The following PITPNM1 variants were observed in gnomAD, a reference collection of about 807,000 sequenced individuals.
PITPNM1 encodes the protein phosphatidylinositol transfer protein membrane associated 1.
In PITPNM1, 74 loss-of-function variants were observed where a neutral mutation model predicts 133.3. That is an observed-to-expected ratio of 0.56 (90% CI 0.46 to 0.67). The LOEUF is 0.67. PITPNM1 is among the 30% of genes least tolerant of loss of function. The pLI, the probability that PITPNM1 is intolerant of heterozygous loss-of-function variation, is 0.00. For missense variants in PITPNM1, 1,398 were observed against 1,739.5 expected (o/e 0.80, Z 3.49); for synonymous variants, 738 against 741.4 (o/e 1.00, Z 0.08).
rs371909839 is a variant in PITPNM1, at chr11:67,504,227, G to A, written c.-41-6C>T. ...GCGCGCGGCCTCCGCTCCTCCTGGCGCAGGGCACGGCGCGACAGTCAGTGC... is the reference window on the plus strand; with the variant it reads ...GCGCGCGGCCTCCGCTCCTCCTGGCACAGGGCACGGCGCGACAGTCAGTGC... On this transcript the variant is annotated splice_polypyrimidine_tract_variant and splice_region_variant and intron_variant, in intron 1 of 23. Transcript: ENST00000356404. This position sits in a 1 kb window ranked among gnomAD's most constrained non-coding sequence, Gnocchi z 5.4. The A allele has an allele frequency of 4.9e-6, 7 of 1,438,078 alleles. No individual in the cohort carries two copies. The highest frequency in any genetic ancestry group is 1.4e-5 in the African/African-American group (1 of 70,714). The allele number at this position is 1,438,078 out of a possible 1,614,324, so 89.1% of individuals were successfully genotyped here.
rs1456239525 is a variant in PITPNM1 at position 67,493,500 on chromosome 11, G to A, written c.3252C>T (p.Asn1084=). 1.3e-6 allele frequency: 2 copies of A among 1,599,516 alleles called. No individual in the cohort carries two copies. The highest frequency in any genetic ancestry group is 1.7e-6 in the Non-Finnish European group (2 of 1,173,766). The part of the protein sequence containing the change: ...HRVVAWLSQH[N]FPHGVVSFCD... The stretch of plus-strand genomic sequence containing the variant: ...AGAAGGAGACGACGCCGTGGGGGAA[G>A]TTGTGCTGCGACAGCCATGCCACCA... The change falls in exon 22 of 24, where the codon AAC becomes AAT. Residue 1084 remains asparagine, a synonymous_variant. Coordinates refer to ENST00000356404, the MANE Select transcript of PITPNM1 (RefSeq NM_004910.3).
intron 23 of PITPNM1, 27 bp downstream of exon 23, chr11:67,492,907 T>C: frequency 6.2e-7 from 1 of 1,606,524 alleles, no homozygotes; most frequent in Non-Finnish European, 8.5e-7. Context: ...GGTGGGGTCC[T>C]GTTCCTGGCC....
intron 2 of PITPNM1, among the ~76,000 whole-genome samples, chr11:67,503,061 G>C (rs181107785): frequency 5.3e-4 from 81 of 152,338 alleles, no homozygotes; most frequent in African/African-American, 1.9e-3. Context: ...GAAGGAGACA[G>C]ACAAAAGGAA....
Position 67,504,246 on chromosome 11 carries a change from T to A in PITPNM1, c.-41-25A>T. ...CCTGGCGCAGGGCACGGCGCGACAG[T>A]CAGTGCGGGGAGGCTGCGCGCGGCC... On this transcript the variant is annotated intron_variant, in intron 1 of 23. Transcript: ENST00000356404. The surrounding 1 kb of genome is among the most constrained non-coding windows in gnomAD (Gnocchi z 5.4). The A allele has an allele frequency of 2.5e-6, 3 of 1,213,556 alleles. No homozygotes were observed. The highest frequency in any genetic ancestry group is 3.4e-6 in the Non-Finnish European group (3 of 880,178). The allele number at this position is 1,213,556 out of a possible 1,614,324, so 75.2% of individuals were successfully genotyped here. A position where few individuals can be genotyped will look rare whatever the true frequency, so the allele number is the denominator to read the frequency against.
chr11:67,504,226 C>G lies in PITPNM1; in HGVS notation c.-41-5G>C, dbSNP rs893618279. On this transcript the variant is annotated splice_polypyrimidine_tract_variant and splice_region_variant and intron_variant, in intron 1 of 23. Coordinates refer to ENST00000356404, the MANE Select transcript of PITPNM1 (RefSeq NM_004910.3). The surrounding 1 kb of genome is among the most constrained non-coding windows in gnomAD (Gnocchi z 5.4). ...CGCGCGCGGCCTCCGCTCCTCCTGG[C>G]GCAGGGCACGGCGCGACAGTCAGTG... 2 of 1,455,480 alleles carry G rather than the reference C, an allele frequency of 1.4e-6. No homozygotes were observed. The highest frequency in any genetic ancestry group is 2.8e-5 in the African/African-American group (2 of 71,042). 90.2% of individuals were successfully genotyped at this position (1,455,480 alleles called of 1,614,324 possible).
At chr11:67,505,758 G>C (rs1203705887), upstream of PITPNM1, among the ~76,000 whole-genome samples, 1 of 152,224 alleles carries the variant, frequency 6.6e-6, no homozygotes, top group African/African-American at 2.4e-5. This position sits in a 1 kb window ranked among gnomAD's most constrained non-coding sequence, Gnocchi z 5.8. Context: ...TGGTGGCTCT[G>C]ACATGCCTCC....
intron 20 of PITPNM1, 26 bp downstream of exon 20, chr11:67,493,896 G>A (rs373268355): frequency 7.2e-6 from 11 of 1,530,686 alleles, no homozygotes; most frequent in South Asian, 1.3e-5. Flanking sequence ...GAGCCCTCCC[G>A]CAGAGGCCCG....
At position 67,500,310 on chromosome 11, in the gene PITPNM1, A is replaced by G. The variant is rs758033567; in HGVS notation, c.752T>C (p.Met251Thr). Residue 251 changes from methionine to threonine, a missense_variant, in exon 6 of 24, where the codon ATG (methionine) becomes ACG (threonine). Physicochemically the swap from Met to Thr is moderately conservative, Grantham distance 81. Around this residue, in one of 5 missense-constraint regions of PITPNM1, gnomAD observed 274 missense variants for 360.7 expected, o/e 0.76. Coordinates refer to ENST00000356404, the MANE Select transcript of PITPNM1 (RefSeq NM_004910.3). ...IRALEEETAR[M>T]LAQRMAKCNT... ...GCACTTGGCCATGCGCTGGGCCAGC[A>G]TGCGAGCAGTCTCCTCTTCCAGTGC... 8.1e-6 allele frequency: 13 copies of G among 1,611,618 alleles called. No homozygotes were observed. In the Middle Eastern group the frequency reaches 8.2e-4, roughly 102 times the overall value.
At chr11:67,494,822 G>GTGGACGAT (rs59817710) in intron 18 of PITPNM1, 24 bp downstream of exon 18, 2 of 1,559,826 alleles carry the variant, frequency 1.3e-6, no homozygotes, top group Non-Finnish European at 1.8e-6. Context: ...GAGTGGGCGA[G>GTGGACGAT]GGGGCGAGGG....
At position 67,500,454 on chromosome 11, in the gene PITPNM1, C is replaced by T. The variant is rs147214166; in HGVS notation, c.641-33G>A. ...TGCCCAGGCGTCAGAACTGCCCCCT[C>T]CCCCTGCTTCCCTGCCACCGCAGCT... is the stretch of plus-strand genomic sequence containing the variant. On this transcript the variant is annotated intron_variant, in intron 5 of 23. Coordinates refer to ENST00000356404, the MANE Select transcript of PITPNM1 (RefSeq NM_004910.3). 1,253 of 1,570,988 alleles carry T rather than the reference C, an allele frequency of 8.0e-4. 11 individuals are homozygous for T. The highest frequency in any genetic ancestry group is 8.5e-4 in the East Asian group (38 of 44,498).
intron 22 of PITPNM1, 66 bp downstream of exon 22, chr11:67,493,344 C>T (rs1243842482): frequency 4.2e-6 from 6 of 1,414,118 alleles, no homozygotes; most frequent in African/African-American, 1.4e-5. Flanking sequence ...TCCGCCGATC[C>T]GGGGGTGGAG....
Position 67,498,722 on chromosome 11 carries a change from A to G in PITPNM1, c.1358T>C (p.Val453Ala), listed in dbSNP as rs775568139. Residue 453 changes from valine (V) to alanine (A), a missense_variant, in exon 10 of 24, where the codon GTG (valine) becomes GCG (alanine). By Grantham distance (64) the Val-to-Ala change is moderately conservative. Around this residue, in one of 5 missense-constraint regions of PITPNM1, gnomAD observed 574 missense variants for 698.7 expected, o/e 0.82. Transcript: ENST00000356404. The surrounding 1 kb of genome is among the most constrained non-coding windows in gnomAD (Gnocchi z 5.7). The stretch of plus-strand genomic sequence containing the variant: ...CTCGAAGGCGGAGCTCAGCGTCTGC[A>G]CATCCGCCTGCTTGGAGTTGGCGTC... ...PGDANSKQAD[V>A]QTLSSAFEAV... is the part of the protein sequence containing the mutation. 3 of 1,609,540 alleles carry G rather than the reference A, an allele frequency of 1.9e-6. No individual in the cohort carries two copies. The highest frequency in any genetic ancestry group is 1.7e-5 in the Admixed American group (1 of 60,026).
Position 67,498,360 on chromosome 11 carries a change from C to T in PITPNM1, c.1485-38G>A. ...GAAATGTGCGTGGGTGAGGGGCTTCCAGACCCACTCCTGCCATCCAAGTCC... is the reference window on the plus strand; with the variant it reads ...GAAATGTGCGTGGGTGAGGGGCTTCTAGACCCACTCCTGCCATCCAAGTCC... On this transcript the variant is annotated intron_variant, in intron 10 of 23. Coordinates refer to ENST00000356404, the MANE Select transcript of PITPNM1 (RefSeq NM_004910.3). This position sits in a 1 kb window ranked among gnomAD's most constrained non-coding sequence, Gnocchi z 5.7. 2.0e-6 allele frequency: 3 copies of T among 1,496,162 alleles called. No homozygotes were observed. In the South Asian group the frequency reaches 3.9e-5, roughly 20 times the overall value. The allele number at this position is 1,496,162 out of a possible 1,614,324, so 92.7% of individuals were successfully genotyped here. A position where few individuals can be genotyped will look rare whatever the true frequency, so the allele number is the denominator to read the frequency against.
Position 67,502,482 on chromosome 11 carries a change from C to T in PITPNM1, c.293+22G>A. On this transcript the variant is annotated intron_variant, in intron 3 of 23. Transcript: ENST00000356404. The surrounding 1 kb of genome is among the most constrained non-coding windows in gnomAD (Gnocchi z 5.9). ...GGCCGCTCCCCTCCTGGCCTCGGAC[C>T]ATGCCCAGCTCACCCACTCACCGGG... 1 of 1,613,686 alleles carries T rather than the reference C, an allele frequency of 6.2e-7. No homozygotes were observed. The highest frequency in any genetic ancestry group is 8.5e-7 in the Non-Finnish European group (1 of 1,179,978).
Position 67,504,175 on chromosome 11 carries a change from G to A in PITPNM1, c.6C>T (p.Leu2=). ...GCAGCAGAATGTGGTATTCCTTGAT[G>A]AGCATCCTGAAGGCGCTCGGCGGGC... M[L]IKEYHILLPM... is the part of the protein sequence containing the mutation. The change falls in exon 2 of 24, where the codon CTC becomes CTT. Residue 2 remains leucine, a synonymous_variant. Transcript: ENST00000356404. The surrounding 1 kb of genome is among the most constrained non-coding windows in gnomAD (Gnocchi z 5.4). The A allele has an allele frequency of 2.5e-6, 4 of 1,606,306 alleles. No individual in the cohort carries two copies. Among genetic ancestry groups the A allele is most frequent in the Non-Finnish European group, 3.4e-6 (4 of 1,177,494 alleles).
chr11:67,491,851 C>G lies in PITPNM1; in HGVS notation c.*182G>C, dbSNP rs1019911600. The G allele has an allele frequency of 4.5e-6, 3 of 665,544 alleles. No homozygotes were observed. Among genetic ancestry groups the G allele is most frequent in the East Asian group, 2.8e-5 (1 of 35,620 alleles). The allele number at this position is 665,544 out of a possible 1,614,324, so 41.2% of individuals were successfully genotyped here. ...CCATGCCCACGCCCTCCTCCCTCCC[C>G]CCGGCGCTGGGTCCCCTCATATGAA... is the stretch of plus-strand genomic sequence containing the variant. On this transcript the variant is annotated 3_prime_UTR_variant, in exon 24 of 24. Transcript: ENST00000356404.
chr11:67,501,801 C>T (rs530168300), intron 5 of PITPNM1, 61 bp downstream of exon 5: 2 of 1,414,650 alleles, frequency 1.4e-6, no homozygotes, highest in South Asian at 2.4e-5. Flanking sequence ...GCATCCCTGG[C>T]CCTAAACATG....
chr11:67,500,617 C>G lies in PITPNM1; in HGVS notation c.641-196G>C, dbSNP rs575370769. ...TTTGTCTTCCTGCCTGACTCCCCCC[C>G]GCCCACTGCCTTTCCTGTCTCTCTG... On this transcript the variant is annotated intron_variant, in intron 5 of 23. Transcript: ENST00000356404. 9.2e-5 allele frequency among the ~76,000 whole-genome samples: 14 copies of G among 152,358 alleles called. No homozygotes were observed. The South Asian group carries it at 2.1e-3, about 23-fold the overall frequency.
intron 8 of PITPNM1, 81 bp from the exon 9 acceptor site, chr11:67,499,082 T>A: frequency 7.1e-7 from 1 of 1,406,686 alleles, no homozygotes; most frequent in Non-Finnish European, 9.7e-7. Context: ...ACCCCAGTTC[T>A]GGCATCTGCC....
Sources: gnomAD v4.1 joint callset for allele counts (sites outside exome capture counted in the v4.1 genomes callset) on GRCh38, gnomAD v4.1.1 for gene constraint, gnomAD v4.1.1 regional missense constraint, Gnocchi (gnomAD v3.1) non-coding constraint, MANE v1.5 for transcripts, NCBI Gene and HGNC (gene_info 2026-07-23, HGNC 2026-07-21) for gene names.